The following CDKN2C variants were observed in gnomAD, a reference collection of about 807,000 sequenced individuals.
CDKN2C encodes the protein cyclin dependent kinase inhibitor 2C.
A neutral mutation model predicts 11.0 loss-of-function variants in CDKN2C; 5 were observed. That is an observed-to-expected ratio of 0.45 (90% confidence interval 0.24 to 0.95). CDKN2C has a LOEUF of 0.95. CDKN2C is among the 40% of genes least tolerant of loss of function. CDKN2C has a pLI of 0.21. For synonymous variants in CDKN2C, 79 were observed against 88.3 expected, an observed-to-expected ratio of 0.89 and a Z score of 0.59; for missense variants, 161 against 211.9, an observed-to-expected ratio of 0.76 and a Z score of 1.49.
At chr1:50,973,371 C>T (rs1328963544) in intron 1 of CDKN2C, among the ~76,000 whole-genome samples, 1 of 152,178 alleles carries the variant, frequency 6.6e-6, no homozygotes, top group African/African-American at 2.4e-5. Context: ...TTTACACTCA[C>T]TCATGGAGTT....
In CDKN2C at chr1:50,973,939, G is replaced by C. The variant is rs1276265460; in HGVS notation, c.176G>C (p.Arg59Thr). The C allele has an allele frequency of 1.1e-5, 17 of 1,614,206 alleles. No individual in the cohort carries two copies. Among genetic ancestry groups the C allele is most frequent in the Non-Finnish European group, 1.4e-5 (17 of 1,180,038 alleles). ...NPEIARRLLL[R>T]GANPDLKDRT... ...GAGATTGCCAGGAGACTGCTACTTA[G>C]AGGTGCTAATCCCGATTTGAAAGAC... The change falls in exon 2 of 2, where the codon AGA (arginine) becomes ACA (threonine). Residue 59 changes from arginine to threonine, a missense_variant. Coordinates refer to ENST00000371761, the MANE Select transcript of CDKN2C (RefSeq NM_078626.3).
intron 1 of CDKN2C, among the ~76,000 whole-genome samples, chr1:50,973,677 G>A (rs534250328): frequency 3.2e-4 from 49 of 152,104 alleles, no homozygotes; most frequent in Admixed American, 5.2e-4. Flanking sequence ...CATTTAAGAC[G>A]TTCCATCATA....
intron 1 of CDKN2C, among the ~76,000 whole-genome samples, chr1:50,962,063 TCTTG>T (rs1294943751): frequency 1.3e-5 from 2 of 152,248 alleles, no homozygotes; most frequent in African/African-American, 4.8e-5. Context: ...AATCAAAATG[TCTTG>T]CTTAATTTTC....
chr1:50,962,198 T>C (rs1457915947), intron 1 of CDKN2C, among the ~76,000 whole-genome samples: 1 of 152,134 alleles, frequency 6.6e-6, no homozygotes, highest in Non-Finnish European at 1.5e-5. Flanking sequence ...CTGGCCAACA[T>C]AGTGAAATCC....
rs1485519957 is a variant in CDKN2C at position 50,970,420 on chromosome 1, C to T, written c.52C>T (p.Leu18=). ...GGCGTCCGCAGCTGCCAGGGGGGACCTAGAGCAACTTACTAGTTTGTTGCA... is the reference window on the plus strand; with the variant it reads ...GGCGTCCGCAGCTGCCAGGGGGGACTTAGAGCAACTTACTAGTTTGTTGCA... The part of the protein sequence containing the change: ...ELASAAARGD[L]EQLTSLLQNN... Residue 18 remains leucine (L), a synonymous_variant, in exon 1 of 2, where the codon CTA becomes TTA. Transcript: ENST00000371761. The T allele has an allele frequency of 1.2e-6, 2 of 1,614,074 alleles. No individual in the cohort carries two copies. Among genetic ancestry groups the T allele is most frequent in the Non-Finnish European group, 1.7e-6 (2 of 1,180,006 alleles).
upstream of CDKN2C, chr1:50,968,890 A>G (rs1645363542): frequency 6.6e-6 from 1 of 152,460 alleles, no homozygotes; most frequent in Non-Finnish European, 1.5e-5. Context: ...GAGTGAAGGA[A>G]AAAAGCAAAA....
intron 1 of CDKN2C, among the ~76,000 whole-genome samples, chr1:50,961,013 TTTTTA>T (rs1160211477): frequency 2.9e-5 from 2 of 67,826 alleles, no homozygotes; most frequent in African/African-American, 1.1e-4. Context: ...AGTCAGTCTA[TTTTTA>T]TTTATTTATT....
At chr1:50,965,371 G>A (rs952097684), upstream of CDKN2C, among the ~76,000 whole-genome samples, 2 of 151,728 alleles carry the variant, frequency 1.3e-5, no homozygotes, top group South Asian at 2.1e-4. Flanking sequence ...GGTAGTGGGC[G>A]CCTGTAATCC....
At chr1:50,962,687 T>C (rs1645331654) in intron 1 of CDKN2C, among the ~76,000 whole-genome samples, 1 of 152,194 alleles carries the variant, frequency 6.6e-6, no homozygotes, top group East Asian at 1.9e-4. Context: ...ATTAAAACAA[T>C]GTGGTATGTA....
chr1:50,964,724 T>C (rs1645339266), intron 1 of CDKN2C, among the ~76,000 whole-genome samples: 1 of 152,210 alleles, frequency 6.6e-6, no homozygotes, highest in African/African-American at 2.4e-5. Flanking sequence ...ATACGGGGAT[T>C]ATTATCACAG....
upstream of CDKN2C, among the ~76,000 whole-genome samples, chr1:50,966,583 C>G (rs1645348021): frequency 6.6e-6 from 1 of 152,090 alleles, no homozygotes; most frequent in Admixed American, 6.5e-5. Context: ...CTGTAGTGAA[C>G]TAGCCCTCAA....
intron 1 of CDKN2C, among the ~76,000 whole-genome samples, chr1:50,971,844 A>C (rs1645381632): frequency 6.6e-6 from 1 of 152,158 alleles, no homozygotes; most frequent in Non-Finnish European, 1.5e-5. Flanking sequence ...TCTTGTTTAT[A>C]TTAAACATAC....
At chr1:50,970,529 C>G (rs1645374274) in intron 1 of CDKN2C, 32 bp downstream of exon 1, 2 of 1,612,744 alleles carry the variant, frequency 1.2e-6, no homozygotes, top group Middle Eastern at 1.7e-4. Context: ...GAAAACAAGT[C>G]AATAATGTTG....
intron 1 of CDKN2C, among the ~76,000 whole-genome samples, chr1:50,971,358 T>C (rs1645379395): frequency 1.3e-5 from 2 of 152,238 alleles, no homozygotes; most frequent in Admixed American, 1.3e-4. Context: ...AATGCAACAC[T>C]TGAAGCTGTT....
At chr1:50,968,590 C>A, upstream of CDKN2C, 1 of 152,292 alleles carries the variant, frequency 6.6e-6, no homozygotes, top group East Asian at 1.9e-4. Context: ...AATGAGGGCG[C>A]GGGACCGGGC....
chr1:50,965,086 A>ATAGATAGT (rs1454806722), intron 1 of CDKN2C, among the ~76,000 whole-genome samples: 4 of 151,880 alleles, frequency 2.6e-5, no homozygotes, highest in Admixed American at 2.6e-4. Flanking sequence ...AGATAGATAG[A>ATAGATAGT]TAGATAGATA....
At chr1:50,971,791 C>A (rs904790295) in intron 1 of CDKN2C, among the ~76,000 whole-genome samples, 3 of 152,046 alleles carry the variant, frequency 2.0e-5, no homozygotes, top group Non-Finnish European at 4.4e-5. Flanking sequence ...TAATAATATT[C>A]TTTTAAAAAG....
intron 1 of CDKN2C, among the ~76,000 whole-genome samples, chr1:50,961,335 G>C: frequency 6.6e-6 from 1 of 152,174 alleles, no homozygotes; most frequent in East Asian, 1.9e-4. Flanking sequence ...ACTGCACCCG[G>C]CCTATTCATT....
chr1:50,961,698 T>C (rs1645324826), intron 1 of CDKN2C, among the ~76,000 whole-genome samples: 1 of 152,190 alleles, frequency 6.6e-6, no homozygotes, highest in African/African-American at 2.4e-5. Context: ...TAAACTTGTA[T>C]CATTTATTTA....
Sources: gnomAD v4.1 joint callset for allele counts (sites outside exome capture counted in the v4.1 genomes callset) on GRCh38, gnomAD v4.1.1 for gene constraint, MANE v1.5 for transcripts, NCBI Gene and HGNC (gene_info 2026-07-23, HGNC 2026-07-21) for gene names.